The following PARD3B variants were observed in gnomAD, a reference collection of about 807,000 sequenced individuals.
PARD3B encodes the protein par-3 family cell polarity regulator beta, also known as partitioning defective 3 homolog B.
Under a neutral mutation model 130.2 loss-of-function variants are expected in PARD3B, and 103 were observed. The ratio of observed to expected loss-of-function variants is 0.79; its 90% CI spans 0.67 to 0.93. The LOEUF is 0.93. Ranked by LOEUF, PARD3B falls within the 40% of genes least tolerant of loss-of-function variation. PARD3B has a pLI of 0.00. For missense variants in PARD3B, 1,609 were observed against 1,499.2 expected (o/e 1.07, Z -1.21); for synonymous variants, 583 against 553.2 (o/e 1.05, Z -0.76).
chr2:205,126,011 A>C (rs1000729652), intron 10 of PARD3B, among the ~76,000 whole-genome samples: 1 of 152,218 alleles, frequency 6.6e-6, no homozygotes, highest in Admixed American at 6.5e-5. Flanking sequence ...TCAATAAAAT[A>C]TATATTGAAT....
At chr2:205,119,412 G>A (rs1038003574) in intron 7 of PARD3B, among the ~76,000 whole-genome samples, 8 of 152,070 alleles carry the variant, frequency 5.3e-5, no homozygotes, top group African/African-American at 1.9e-4. Context: ...GGTGTCAGCA[G>A]TCTTCCTTAA....
intron 21 of PARD3B, among the ~76,000 whole-genome samples, chr2:205,546,672 G>A (rs542741894): frequency 1.3e-5 from 2 of 152,110 alleles, no homozygotes; most frequent in African/African-American, 4.8e-5. Flanking sequence ...CTTAAAATTG[G>A]CTTCCCTTTA....
At chr2:204,707,480 A>G (rs1363624990) in intron 2 of PARD3B, among the ~76,000 whole-genome samples, 2 of 152,090 alleles carry the variant, frequency 1.3e-5, no homozygotes, top group Non-Finnish European at 2.9e-5. Context: ...TTGGTATTTT[A>G]TATTTTTATC....
chr2:205,535,627 A>G (rs1255166787), intron 21 of PARD3B, among the ~76,000 whole-genome samples: 1 of 152,232 alleles, frequency 6.6e-6, no homozygotes, highest in Admixed American at 6.5e-5. Flanking sequence ...ATAATAGCCC[A>G]CTTAAAGAAC....
intron 13 of PARD3B, among the ~76,000 whole-genome samples, chr2:205,178,678 G>C (rs2035622773): frequency 6.6e-6 from 1 of 152,120 alleles, no homozygotes; most frequent in Non-Finnish European, 1.5e-5. Context: ...CCCAGTGTCT[G>C]TCTAAGTCTA....
At chr2:205,532,606 G>C (rs7594262) in intron 21 of PARD3B, among the ~76,000 whole-genome samples, 55,705 of 151,990 alleles carry the variant, frequency 0.37, 11,310 homozygotes, top group Admixed American at 0.5. Context: ...TATACACAAT[G>C]AAACTATTTT....
At position 205,463,218 on chromosome 2, in the gene PARD3B, T is replaced by C. The variant is rs185740032; in HGVS notation, c.3044+22546T>C. On this transcript the variant is annotated intron_variant, in intron 20 of 22. Transcript: ENST00000406610. The surrounding 1 kb of genome is among the most constrained non-coding windows in gnomAD (Gnocchi z 4.8). ...AGGAATATCTTGGCAATGACATTGCTTAGTCTTCCTTACACATAAGGAGAG... is the reference window on the plus strand; with the variant it reads ...AGGAATATCTTGGCAATGACATTGCCTAGTCTTCCTTACACATAAGGAGAG... Among the ~76,000 whole-genome samples the C allele has an allele frequency of 6.6e-6, 1 of 152,280 alleles. No homozygotes were observed. Among genetic ancestry groups the C allele is most frequent in the Admixed American group, 6.5e-5 (1 of 15,304 alleles).
Position 205,383,138 on chromosome 2 carries a change from A to AGATAGATC in PARD3B, c.2631-17872_2631-17871insAGATCGAT, listed in dbSNP as rs955641992. ...TAGATAGATAGATAGATAGATAGATAGATCGATCTAAACTATGTCTACACA... is the reference window on the plus strand; with the variant it reads ...TAGATAGATAGATAGATAGATAGATAGATAGATCGATCGATCTAAACTATGTCTACACA... On this transcript the variant is annotated intron_variant, in intron 18 of 22. Transcript: ENST00000406610. Among the ~76,000 whole-genome samples, 439 of 138,518 alleles carry AGATAGATC rather than the reference A, an allele frequency of 3.2e-3. 2 individuals are homozygous for AGATAGATC. The highest frequency in any genetic ancestry group is 9.0e-3 in the African/African-American group (318 of 35,514). The allele number at this position is 138,518 out of a possible 152,430, so 90.9% of individuals were successfully genotyped here. A position where few individuals can be genotyped will look rare whatever the true frequency, so the allele number is the denominator to read the frequency against.
intron 2 of PARD3B, among the ~76,000 whole-genome samples, chr2:204,702,198 G>A (rs115404279): frequency 1.4e-4 from 21 of 152,182 alleles, no homozygotes; most frequent in African/African-American, 4.3e-4. Flanking sequence ...TAGTGCTGCT[G>A]TGAACATGTG....
intron 19 of PARD3B, among the ~76,000 whole-genome samples, chr2:205,408,099 G>T (rs1391142564): frequency 6.6e-6 from 1 of 152,186 alleles, no homozygotes; most frequent in Non-Finnish European, 1.5e-5. Flanking sequence ...AAGTTAATCG[G>T]TTTCAGTGTC....
intron 16 of PARD3B, among the ~76,000 whole-genome samples, chr2:205,254,092 A>C (rs1355831561): frequency 8.3e-6 from 1 of 120,314 alleles, no homozygotes; most frequent in African/African-American, 3.0e-5. Flanking sequence ...AGAAATTAAA[A>C]AAAAAAAAAA....
intron 5 of PARD3B, among the ~76,000 whole-genome samples, chr2:205,110,955 T>A (rs999292094): frequency 7.9e-5 from 12 of 152,142 alleles, no homozygotes; most frequent in Non-Finnish European, 1.8e-4. Context: ...GAAGAGTGCA[T>A]ATATAGAGAT....
At position 205,619,600 on chromosome 2, in the gene PARD3B, C is replaced by T. The variant is rs927624878; in HGVS notation, c.*3787C>T. The T allele has an allele frequency of 2.6e-5, 4 of 152,024 alleles. No homozygotes were observed. The highest frequency in any genetic ancestry group is 9.7e-5 in the African/African-American group (4 of 41,384). The allele number at this position is 152,024 out of a possible 1,614,324, so 9.4% of individuals were successfully genotyped here. A position where few individuals can be genotyped will look rare whatever the true frequency, so the allele number is the denominator to read the frequency against. ...AGCTGGAAACGATGCCACAGCGAGA[C>T]CAGAAAGAGGAGTCGCCTTAAGGTA... On this transcript the variant is annotated 3_prime_UTR_variant, in exon 23 of 23. Coordinates refer to ENST00000406610, the MANE Select transcript of PARD3B (RefSeq NM_001302769.2).
At chr2:204,909,416 A>G (rs1448508281) in intron 2 of PARD3B, among the ~76,000 whole-genome samples, 1 of 152,218 alleles carries the variant, frequency 6.6e-6, no homozygotes, top group Non-Finnish European at 1.5e-5. Flanking sequence ...AATATATGCT[A>G]CATATTTACT....
intron 18 of PARD3B, among the ~76,000 whole-genome samples, chr2:205,374,061 C>A (rs1366639887): frequency 6.6e-6 from 1 of 151,180 alleles, no homozygotes; most frequent in Admixed American, 6.6e-5. Flanking sequence ...GGGAAAAGTG[C>A]AATGAGAAAG....
At chr2:204,645,535 A>G (rs9973966) in intron 1 of PARD3B, among the ~76,000 whole-genome samples, 2,682 of 152,248 alleles carry the variant, frequency 0.018, 64 homozygotes, top group African/African-American at 0.061. Context: ...ATTTTCCTGC[A>G]TATTCCAACT....
intron 2 of PARD3B, among the ~76,000 whole-genome samples, chr2:204,731,658 T>A (rs538496645): frequency 6.6e-6 from 1 of 152,300 alleles, no homozygotes; most frequent in South Asian, 2.1e-4. Context: ...ACACCTGAAT[T>A]GACTGAAGCC....
rs144724774 is a variant in PARD3B at position 204,829,538 on chromosome 2, A to G, written c.223-135614A>G. 4.3e-4 allele frequency among the ~76,000 whole-genome samples: 66 copies of G among 152,296 alleles called. 1 individual carries two copies. Among genetic ancestry groups the G allele is most frequent in the Middle Eastern group, 6.8e-3 (2 of 294 alleles). ...GTAAATAAAGTGAGAGAAGGATCCT[A>G]GGATGATACGGTTTGGCTTGGTGTC... On this transcript the variant is annotated intron_variant, in intron 2 of 22. Coordinates refer to ENST00000406610, the MANE Select transcript of PARD3B (RefSeq NM_001302769.2).
At chr2:205,531,511 C>A (rs1193842748) in intron 21 of PARD3B, among the ~76,000 whole-genome samples, 1 of 151,976 alleles carries the variant, frequency 6.6e-6, no homozygotes, top group East Asian at 1.9e-4. Context: ...TCTCTAAATC[C>A]AATTCATTAG....
Sources: allele counts gnomAD v4.1 joint callset (sites outside exome capture counted in the v4.1 genomes callset), GRCh38; gene constraint gnomAD v4.1.1; non-coding constraint Gnocchi (gnomAD v3.1); transcripts MANE v1.5; gene names NCBI Gene and HGNC (gene_info 2026-07-23, HGNC 2026-07-21).